PRIM2: variants seen among roughly 807,000 people sequenced by gnomAD.
PRIM2 encodes DNA primase subunit 2, also known as DNA primase large subunit.
A neutral mutation model predicts 67.3 loss-of-function variants in PRIM2; 39 were observed. The observed-to-expected ratio is 0.58, with a 90% CI of 0.45 to 0.76. The LOEUF (loss-of-function observed/expected upper bound fraction) is 0.76. Among genes scored for constraint, PRIM2 ranks in the 30% least tolerant of loss-of-function variants. The pLI is 0.00. For synonymous variants in PRIM2, 143 were observed against 198.7 expected (o/e 0.72, Z 2.36); for missense variants, 398 against 598.7 (o/e 0.66, Z 3.50).
chr6:57,241,646 T>C, the PRIM2 span, among the ~76,000 whole-genome samples: 1 of 151,638 alleles, frequency 6.6e-6, no homozygotes, highest in Non-Finnish European at 1.5e-5. Flanking sequence ...AGTATGGAAT[T>C]ACTAGATTAC....
chr6:57,432,797 T>C (rs1771878844), intron 7 of PRIM2, among the ~76,000 whole-genome samples: 1 of 152,214 alleles, frequency 6.6e-6, no homozygotes, highest in Non-Finnish European at 1.5e-5. Flanking sequence ...CAGTCAAATA[T>C]TTGTTTCTTT....
chr6:57,645,152 A>C (rs1482851391), intron 13 of PRIM2, among the ~76,000 whole-genome samples: 1 of 152,150 alleles, frequency 6.6e-6, no homozygotes, highest in Non-Finnish European at 1.5e-5. Context: ...CTAAAACACA[A>C]GTGGTATCAG....
the PRIM2 span, among the ~76,000 whole-genome samples, chr6:57,271,626 C>A: frequency 6.6e-6 from 1 of 152,090 alleles, no homozygotes; most frequent in Non-Finnish European, 1.5e-5. Flanking sequence ...TCTCTATTTC[C>A]TTCAGTTCTG....
intron 10 of PRIM2, among the ~76,000 whole-genome samples, chr6:57,596,685 TTC>T (rs1776373533): frequency 7.4e-6 from 1 of 135,536 alleles, no homozygotes; most frequent in African/African-American, 2.6e-5. Flanking sequence ...CTATCTCTTA[TTC>T]TGTCTCTCTT....
the PRIM2 span, among the ~76,000 whole-genome samples, chr6:57,258,340 A>G: frequency 4.0e-5 from 6 of 151,874 alleles, no homozygotes; most frequent in Admixed American, 6.6e-5. Flanking sequence ...AGTCTCATCT[A>G]GTTATGGCTC....
At chr6:57,587,578 G>A (rs1776213763) in intron 10 of PRIM2, among the ~76,000 whole-genome samples, 1 of 139,702 alleles carries the variant, frequency 7.2e-6, no homozygotes, top group Non-Finnish European at 1.5e-5. Context: ...GTAGGAGAAA[G>A]GCGTGAACTC....
intron 7 of PRIM2, among the ~76,000 whole-genome samples, chr6:57,478,137 A>G (rs1352559634): frequency 6.6e-6 from 1 of 152,168 alleles, no homozygotes; most frequent in Non-Finnish European, 1.5e-5. Flanking sequence ...GTTAATGATC[A>G]CTTAAACTTG....
chr6:57,476,412 T>C (rs1258977300), intron 7 of PRIM2, among the ~76,000 whole-genome samples: 2 of 152,340 alleles, frequency 1.3e-5, no homozygotes, highest in East Asian at 3.9e-4. Flanking sequence ...TGATAAGCTT[T>C]ACATAAATAC....
intron 5 of PRIM2, among the ~76,000 whole-genome samples, chr6:57,349,132 A>G (rs1768776386): frequency 6.6e-6 from 1 of 152,118 alleles, no homozygotes; most frequent in African/African-American, 2.4e-5. Context: ...TGAATCTACA[A>G]CTAAACACTG....
At chr6:57,310,529 A>G (rs1182752894), upstream of PRIM2, among the ~76,000 whole-genome samples, 9 of 152,220 alleles carry the variant, frequency 5.9e-5, no homozygotes, top group Admixed American at 2.6e-4. Context: ...CAAAACCACC[A>G]TCGTCATCAT....
intron 10 of PRIM2, among the ~76,000 whole-genome samples, chr6:57,550,663 T>C (rs1301092996): frequency 6.6e-6 from 1 of 152,202 alleles, no homozygotes; most frequent in East Asian, 1.9e-4. Flanking sequence ...TTATGGATTA[T>C]GCTGATATAT....
the PRIM2 span, among the ~76,000 whole-genome samples, chr6:57,247,473 G>A: frequency 6.6e-6 from 1 of 152,232 alleles, no homozygotes; most frequent in African/African-American, 2.4e-5. Flanking sequence ...AAATTACAGA[G>A]TTATAGTTGA....
intron 7 of PRIM2, among the ~76,000 whole-genome samples, chr6:57,480,145 A>T (rs1773579428): frequency 6.6e-6 from 1 of 152,214 alleles, no homozygotes; most frequent in South Asian, 2.1e-4. Flanking sequence ...GCAAAGATTC[A>T]CTTGGAAGTA....
At chr6:57,223,879 T>C in the PRIM2 span, among the ~76,000 whole-genome samples, 1 of 152,150 alleles carries the variant, frequency 6.6e-6, no homozygotes, top group African/African-American at 2.4e-5. Context: ...CTGGTGGGAA[T>C]GTAAAATGGT....
At chr6:57,328,098 T>G (rs944856323) in intron 5 of PRIM2, among the ~76,000 whole-genome samples, 5 of 152,172 alleles carry the variant, frequency 3.3e-5, no homozygotes, top group Non-Finnish European at 7.4e-5. Flanking sequence ...TGGTTCCTAA[T>G]GGGCCATGTG....
chr6:57,354,882 A>C (rs991209150), intron 5 of PRIM2, among the ~76,000 whole-genome samples: 1 of 152,254 alleles, frequency 6.6e-6, no homozygotes, highest in Non-Finnish European at 1.5e-5. Context: ...TTCTGTAGTC[A>C]TACCTTTGTT....
At chr6:57,338,423 C>G (rs1768347798) in intron 5 of PRIM2, among the ~76,000 whole-genome samples, 2 of 151,748 alleles carry the variant, frequency 1.3e-5, no homozygotes, top group African/African-American at 4.8e-5. Flanking sequence ...AATTTGAGAC[C>G]AATATCCTTG....
At chr6:57,568,552 C>G (rs1259302596) in intron 10 of PRIM2, among the ~76,000 whole-genome samples, 1 of 152,116 alleles carries the variant, frequency 6.6e-6, no homozygotes, top group East Asian at 1.9e-4. Flanking sequence ...GAATGAAACA[C>G]CATTGTAGAA....
chr6:57,622,178 G>A (rs1454562528), intron 12 of PRIM2, among the ~76,000 whole-genome samples: 1 of 152,048 alleles, frequency 6.6e-6, no homozygotes, highest in East Asian at 1.9e-4. Context: ...TCGAAAAAAA[G>A]CATTACAAAA....
Sources: gnomAD v4.1 joint callset for allele counts (sites outside exome capture counted in the v4.1 genomes callset) on GRCh38, gnomAD v4.1.1 for gene constraint, MANE v1.5 for transcripts, NCBI Gene and HGNC (gene_info 2026-07-23, HGNC 2026-07-21) for gene names.